The following AKAP19 variants were observed in gnomAD, a reference collection of about 807,000 sequenced individuals.
AKAP19 encodes small A-kinase anchoring protein.
the AKAP19 span, among the ~76,000 whole-genome samples, chr2:190,193,486 T>C: frequency 6.6e-6 from 1 of 152,184 alleles, no homozygotes; most frequent in African/African-American, 2.4e-5. Flanking sequence ...CTGGTATTAC[T>C]TCCTCGTAAT....
chr2:189,985,554 A>T, the AKAP19 span, among the ~76,000 whole-genome samples: 1 of 152,168 alleles, frequency 6.6e-6, no homozygotes, highest in East Asian at 1.9e-4. Flanking sequence ...GGCCTCTAAG[A>T]GCTGAGAATG....
chr2:190,097,726 TA>T, the AKAP19 span, among the ~76,000 whole-genome samples: 1 of 151,596 alleles, frequency 6.6e-6, no homozygotes, highest in Non-Finnish European at 1.5e-5. Flanking sequence ...TGTTCATTCA[TA>T]AGGGGCAAGT....
chr2:190,120,432 T>C, the AKAP19 span, among the ~76,000 whole-genome samples: 1 of 152,180 alleles, frequency 6.6e-6, no homozygotes, highest in Non-Finnish European at 1.5e-5. Context: ...CTTAGAGATA[T>C]TTGATGACAC....
At chr2:190,188,119 C>T in the AKAP19 span, among the ~76,000 whole-genome samples, 192 of 152,158 alleles carry the variant, frequency 1.3e-3, 2 homozygotes, top group African/African-American at 4.5e-3. Flanking sequence ...TGGAAGGGCA[C>T]TGTTAGATTT....
the AKAP19 span, among the ~76,000 whole-genome samples, chr2:190,078,540 G>A: frequency 6.6e-6 from 1 of 152,040 alleles, no homozygotes; most frequent in South Asian, 2.1e-4. Context: ...ATGGCAAAAA[G>A]AAATATATAT....
chr2:190,184,339 CAA>C, the AKAP19 span, among the ~76,000 whole-genome samples: 3 of 152,286 alleles, frequency 2.0e-5, no homozygotes, highest in East Asian at 5.8e-4. Flanking sequence ...AACACTACTG[CAA>C]GTTTGTAGTC....
chr2:190,021,717 G>T, the AKAP19 span, among the ~76,000 whole-genome samples: 2 of 152,316 alleles, frequency 1.3e-5, no homozygotes, highest in South Asian at 4.1e-4. Flanking sequence ...TGCTGTGGAG[G>T]TGCCATTTGT....
the AKAP19 span, among the ~76,000 whole-genome samples, chr2:190,110,852 C>T: frequency 6.6e-6 from 1 of 152,204 alleles, no homozygotes; most frequent in East Asian, 1.9e-4. Context: ...TCCTTCGTCT[C>T]TATTACACAG....
chr2:189,964,710 A>G, the AKAP19 span, among the ~76,000 whole-genome samples: 1 of 152,190 alleles, frequency 6.6e-6, no homozygotes, highest in African/African-American at 2.4e-5. Context: ...AACCTATGTT[A>G]GTCTCAAACA....
At chr2:190,053,883 A>G in the AKAP19 span, among the ~76,000 whole-genome samples, 1 of 152,146 alleles carries the variant, frequency 6.6e-6, no homozygotes, top group Non-Finnish European at 1.5e-5. Context: ...TAGAATTTTA[A>G]TTATCTTCCC....
At chr2:189,950,028 G>GTTTTTTTTTTTTTTTTTT in the AKAP19 span, among the ~76,000 whole-genome samples, 1 of 113,950 alleles carries the variant, frequency 8.8e-6, no homozygotes, top group Non-Finnish European at 1.7e-5. Context: ...TTGGTTTTGG[G>GTTTTTTTTTTTTTTTTTT]TTTTTTTTTT....
the AKAP19 span, among the ~76,000 whole-genome samples, chr2:190,086,560 C>T: frequency 2.0e-5 from 3 of 152,138 alleles, no homozygotes; most frequent in Admixed American, 1.3e-4. Context: ...TTTGTAACTC[C>T]CTCTTCCACT....
the AKAP19 span, among the ~76,000 whole-genome samples, chr2:190,112,171 C>A: frequency 6.6e-6 from 1 of 152,156 alleles, no homozygotes; most frequent in Non-Finnish European, 1.5e-5. Context: ...TATTTTCTTC[C>A]CACTTCTGCA....
At chr2:190,038,479 G>T in the AKAP19 span, among the ~76,000 whole-genome samples, 1 of 152,116 alleles carries the variant, frequency 6.6e-6, no homozygotes, top group Admixed American at 6.5e-5. Flanking sequence ...AGGAATTCTC[G>T]TAGAGCTTTC....
the AKAP19 span, among the ~76,000 whole-genome samples, chr2:190,196,574 T>C: frequency 6.6e-6 from 1 of 151,830 alleles, no homozygotes; most frequent in Non-Finnish European, 1.5e-5. Flanking sequence ...CCTCTTTGTA[T>C]GGCTAGTAAT....
the AKAP19 span, among the ~76,000 whole-genome samples, chr2:190,069,514 A>C: frequency 6.6e-6 from 1 of 152,144 alleles, no homozygotes; most frequent in African/African-American, 2.4e-5. Flanking sequence ...CCATTTTTAG[A>C]AATCTTAACT....
At chr2:190,000,495 G>A in the AKAP19 span, among the ~76,000 whole-genome samples, 3 of 152,190 alleles carry the variant, frequency 2.0e-5, no homozygotes, top group Admixed American at 1.3e-4. Context: ...TCCATTTGGT[G>A]TAGGTAAAAG....
chr2:190,060,489 C>A, the AKAP19 span: 1 of 1,504,342 alleles, frequency 6.6e-7, no homozygotes, highest in Non-Finnish European at 9.1e-7. Flanking sequence ...ATTAACAAAA[C>A]CCCTCCATAT....
At chr2:190,084,429 A>G in the AKAP19 span, among the ~76,000 whole-genome samples, 1 of 152,150 alleles carries the variant, frequency 6.6e-6, no homozygotes, top group South Asian at 2.1e-4. Flanking sequence ...GGGTGATTTT[A>G]ATGTGTTGGC....
Sources: allele counts gnomAD v4.1 joint callset (sites outside exome capture counted in the v4.1 genomes callset), GRCh38; gene constraint gnomAD v4.1.1; transcripts MANE v1.5; gene names NCBI Gene and HGNC (gene_info 2026-07-23, HGNC 2026-07-21).